Variants in LRRIQ1 observed in about 807,000 individuals in gnomAD.
The protein encoded by LRRIQ1 is leucine-rich repeat- and IQ domain-containing protein 1.
In LRRIQ1, 210 loss-of-function variants were observed where a neutral mutation model predicts 211.9. The observed-to-expected ratio is 0.99, with a 90% CI of 0.89 to 1.11. LRRIQ1 has a LOEUF of 1.11. LRRIQ1 is among the 50% of genes most tolerant of loss of function. The pLI, the probability that LRRIQ1 is intolerant of heterozygous loss-of-function variation, is 0.00. For missense variants in LRRIQ1, 2,136 were observed against 1,939.5 expected, an observed-to-expected ratio of 1.10 and a Z score of -1.90; for synonymous variants, 699 against 650.1, an observed-to-expected ratio of 1.08 and a Z score of -1.14.
At chr12:85,113,287 C>T (rs182118235) in intron 15 of LRRIQ1, among the ~76,000 whole-genome samples, 12 of 152,132 alleles carry the variant, frequency 7.9e-5, no homozygotes, top group Admixed American at 5.2e-4. Flanking sequence ...TATTCATTTA[C>T]GCAGAGAGTT....
intron 24 of LRRIQ1, among the ~76,000 whole-genome samples, chr12:85,176,901 G>A (rs116680330): frequency 0.019 from 2,842 of 151,718 alleles, 88 homozygotes; most frequent in African/African-American, 0.066. Context: ...GTTTTGTTTT[G>A]GATGAGTCTT....
chr12:85,099,032 T>G, intron 13 of LRRIQ1, 38 bp downstream of exon 13: 1 of 1,396,548 alleles, frequency 7.2e-7, no homozygotes, highest in Non-Finnish European at 9.7e-7. Context: ...AGTGAATGAT[T>G]GTTTAAAATA....
At position 85,038,275 on chromosome 12, in the gene LRRIQ1, A is replaced by C; in HGVS notation, c.99A>C (p.Ala33=). The change falls in exon 2 of 27, where the codon GCA becomes GCC. Residue 33 remains alanine (A), a synonymous_variant. Transcript: ENST00000393217. ...SLEKEDIESD[A]KSETQSDDSD... ...AAAAAGAAGACATTGAGAGTGATGC[A>C]AAATCAGAAACCCAGAGTGATGATA... is the stretch of plus-strand genomic sequence containing the variant. The C allele has an allele frequency of 6.3e-7, 1 of 1,583,914 alleles. No homozygotes were observed. Among genetic ancestry groups the C allele is most frequent in the Non-Finnish European group, 8.6e-7 (1 of 1,163,426 alleles).
At chr12:85,063,730 T>C (rs1272047329) in intron 8 of LRRIQ1, among the ~76,000 whole-genome samples, 1 of 151,686 alleles carries the variant, frequency 6.6e-6, no homozygotes, top group African/African-American at 2.4e-5. Context: ...TCATTTGACT[T>C]TCTAATCCTA....
At position 85,166,504 on chromosome 12, in the gene LRRIQ1, C is replaced by G. The variant is rs143548774; in HGVS notation, c.4822+5790C>G. ...ACCTATAACTTCTATAATTTTTACT[C>G]CAGAACATTTCTTTTGTGATACTTT... On this transcript the variant is annotated intron_variant, in intron 24 of 26. Transcript: ENST00000393217. 2.6e-5 allele frequency among the ~76,000 whole-genome samples: 4 copies of G among 152,222 alleles called. No individual in the cohort carries two copies. The East Asian group carries it at 7.7e-4, about 29-fold the overall frequency.
chr12:85,167,817 A>G (rs1267044316), intron 24 of LRRIQ1, among the ~76,000 whole-genome samples: 1 of 152,124 alleles, frequency 6.6e-6, no homozygotes, highest in Non-Finnish European at 1.5e-5. Context: ...GAACCCATTC[A>G]CATGTCCTGA....
intron 18 of LRRIQ1, among the ~76,000 whole-genome samples, chr12:85,129,104 T>TG (rs1447960361): frequency 6.6e-6 from 1 of 152,184 alleles, no homozygotes; most frequent in African/African-American, 2.4e-5. Flanking sequence ...CCTTACCAAT[T>TG]GGTCCCCACA....
chr12:85,050,923 A>G (rs1457724166), intron 6 of LRRIQ1, among the ~76,000 whole-genome samples: 1 of 152,150 alleles, frequency 6.6e-6, no homozygotes, highest in African/African-American at 2.4e-5. Flanking sequence ...CACTCTTGCT[A>G]CCTATCTACA....
At position 85,263,084 on chromosome 12, in the gene LRRIQ1, A is replaced by G. The variant is rs761482000; in HGVS notation, c.*24A>G. 2.7e-4 allele frequency: 263 copies of G among 987,860 alleles called. 1 individual carries two copies. The highest frequency in any genetic ancestry group is 3.0e-4 in the Non-Finnish European group (247 of 829,950). 61.2% of individuals were successfully genotyped at this position (987,860 alleles called of 1,614,324 possible). The stretch of plus-strand genomic sequence containing the variant: ...AATCCTTAAGGCTTCAGCATTCAAA[A>G]CATGTGGCAAACTGTTTCATGAAGT... On this transcript the variant is annotated 3_prime_UTR_variant, in exon 2 of 2. Coordinates refer to the LRRIQ1 transcript ENST00000602731.
chr12:85,259,882 T>G (rs1896234278), intron 1 of LRRIQ1, among the ~76,000 whole-genome samples: 1 of 151,954 alleles, frequency 6.6e-6, no homozygotes, highest in African/African-American at 2.4e-5. Context: ...CATCAGCAGC[T>G]TCAAATACAA....
intron 11 of LRRIQ1, among the ~76,000 whole-genome samples, chr12:85,085,652 A>G (rs1023228900): frequency 1.3e-5 from 2 of 152,150 alleles, no homozygotes; most frequent in Admixed American, 1.3e-4. Flanking sequence ...ATACATACCC[A>G]ATGCTTAGCT....
chr12:85,060,238 T>C (rs1170145262), intron 8 of LRRIQ1, among the ~76,000 whole-genome samples: 1 of 151,992 alleles, frequency 6.6e-6, no homozygotes, highest in African/African-American at 2.4e-5. Context: ...CGAGGGCTGC[T>C]TAATAGCCCG....
intron 7 of LRRIQ1, among the ~76,000 whole-genome samples, chr12:85,053,083 G>C (rs1185579510): frequency 6.6e-6 from 1 of 151,988 alleles, no homozygotes; most frequent in Non-Finnish European, 1.5e-5. Context: ...GGACATAGCA[G>C]ATGACACCAT....
intron 13 of LRRIQ1, among the ~76,000 whole-genome samples, chr12:85,101,122 A>G (rs1886313797): frequency 6.6e-6 from 1 of 151,724 alleles, no homozygotes. Context: ...ATAATTTTAT[A>G]ATGTGATATT....
At chr12:85,045,470 A>T (rs1879428637) in intron 4 of LRRIQ1, among the ~76,000 whole-genome samples, 1 of 151,786 alleles carries the variant, frequency 6.6e-6, no homozygotes, top group East Asian at 1.9e-4. Flanking sequence ...TTTTTGTAAT[A>T]CTCAAATTTG....
At chr12:85,128,623 A>G (rs544106219) in intron 18 of LRRIQ1, among the ~76,000 whole-genome samples, 102 of 152,242 alleles carry the variant, frequency 6.7e-4, no homozygotes, top group Non-Finnish European at 1.3e-3. Flanking sequence ...ACAACTTCTC[A>G]TCAAGTATGT....
chr12:85,080,156 G>T (rs1053670955), intron 11 of LRRIQ1, among the ~76,000 whole-genome samples: 3 of 151,900 alleles, frequency 2.0e-5, no homozygotes, highest in African/African-American at 7.2e-5. Flanking sequence ...TTTTTGCATT[G>T]TAAATATATT....
chr12:85,097,151 A>T (rs1885949515), intron 11 of LRRIQ1, among the ~76,000 whole-genome samples: 2 of 152,200 alleles, frequency 1.3e-5, no homozygotes, highest in Non-Finnish European at 1.5e-5. Flanking sequence ...GTATTAGTTT[A>T]TTCTCACACT....
intron 24 of LRRIQ1, among the ~76,000 whole-genome samples, chr12:85,180,862 G>A (rs1891947185): frequency 6.6e-6 from 1 of 151,784 alleles, no homozygotes; most frequent in African/African-American, 2.4e-5. Context: ...GTGTTTGTGT[G>A]TGTGTGTGTT....
Sources: gnomAD v4.1 joint callset for allele counts (sites outside exome capture counted in the v4.1 genomes callset) on GRCh38, gnomAD v4.1.1 for gene constraint, MANE v1.5 for transcripts, NCBI Gene and HGNC (gene_info 2026-07-23, HGNC 2026-07-21) for gene names.